HCN2: variants seen among roughly 807,000 people sequenced by gnomAD.
HCN2 encodes the protein potassium/sodium hyperpolarization-activated cyclic nucleotide-gated channel 2.
A neutral mutation model predicts 52.3 loss-of-function variants in HCN2; 20 were observed. That is an observed-to-expected ratio of 0.38 (90% CI 0.27 to 0.56). The LOEUF is 0.56. HCN2 is among the 20% of genes least tolerant of loss of function. The pLI, the probability that HCN2 is intolerant of heterozygous loss-of-function variation, is 0.71. For synonymous variants in HCN2, 694 were observed against 537.0 expected (o/e 1.29, Z -4.04); for missense variants, 981 against 1,207.7 (o/e 0.81, Z 2.78).
chr19:614,650 G>A (rs1347814978), intron 7 of HCN2, among the ~76,000 whole-genome samples: 1 of 152,160 alleles, frequency 6.6e-6, no homozygotes, highest in African/African-American at 2.4e-5. Context: ...GGGGAAGAAG[G>A]GGAGGCCAGA....
At chr19:610,164 G>A (rs752910866) in intron 4 of HCN2, 95 bp from the exon 5 acceptor site, 52 of 1,454,386 alleles carry the variant, frequency 3.6e-5, no homozygotes, top group Non-Finnish European at 4.1e-5. Flanking sequence ...GGCGGTGTCT[G>A]ACCCAGCCTC....
At chr19:604,909 A>C in intron 2 of HCN2, 152 bp from the exon 3 acceptor site, 6 of 657,980 alleles carry the variant, frequency 9.1e-6, no homozygotes, top group Non-Finnish European at 6.8e-6. Flanking sequence ...GTCCCGGGGC[A>C]GGGCTGCAGG....
chr19:607,423 C>G (rs1219984428), intron 3 of HCN2, among the ~76,000 whole-genome samples: 1 of 152,210 alleles, frequency 6.6e-6, no homozygotes. Context: ...GAGGGAAGAC[C>G]CGCCAGTGCC....
In HCN2 at chr19:590,078, C is replaced by A. The variant is rs1372995907; in HGVS notation, c.133C>A (p.Pro45Thr). The A allele has an allele frequency of 3.3e-6, 2 of 604,378 alleles. No homozygotes were observed. The highest frequency in any genetic ancestry group is 4.1e-6 in the Non-Finnish European group (2 of 489,170). 37.4% of individuals were successfully genotyped at this position (604,378 alleles called of 1,614,324 possible). Residue 45 changes from proline (P) to threonine (T), a missense_variant, in exon 1 of 8, where the codon CCG becomes ACG. This residue lies in a region of HCN2 where 215 missense variants were observed against 179.4 expected (regional missense o/e 1.20). Coordinates refer to ENST00000251287, the MANE Select transcript of HCN2 (RefSeq NM_001194.4). The surrounding 1 kb of genome is among the most constrained non-coding windows in gnomAD (Gnocchi z 7.2). ...GCCGCCGCCGCCGCCCGCGCCCCCC[C>A]CGGGCCCCGGGCCCGCGCCCCCCCA... ...PPPPPPPAPPPGPGPAPPQHP... is the reference protein window; with the variant it reads ...PPPPPPPAPPTGPGPAPPQHP...
In HCN2 at chr19:614,403, C is replaced by T. The variant is rs572283405; in HGVS notation, c.1990+387C>T. Among the ~76,000 whole-genome samples, 290 of 152,266 alleles carry T rather than the reference C, an allele frequency of 1.9e-3. 3 individuals are homozygous for T. Among genetic ancestry groups the T allele is most frequent in the African/African-American group, 6.6e-3 (274 of 41,538 alleles). On this transcript the variant is annotated intron_variant, in intron 7 of 7. Transcript: ENST00000251287. The stretch of plus-strand genomic sequence containing the variant: ...ACAGACCCGGGGGCCCACTCAGACT[C>T]CCAGGGAGGCTTATGGACTGGTGAT...
intron 3 of HCN2, 48 bp from the exon 4 acceptor site, chr19:607,916 T>C: frequency 6.8e-7 from 1 of 1,480,076 alleles, no homozygotes; most frequent in Non-Finnish European, 9.3e-7. Flanking sequence ...CGAGGGCTCC[T>C]GGGGCGTGAG....
intron 1 of HCN2, among the ~76,000 whole-genome samples, chr19:599,071 G>T (rs376418699): frequency 1.3e-5 from 2 of 152,380 alleles, no homozygotes; most frequent in African/African-American, 4.8e-5. Context: ...CCAGCAGGCG[G>T]GTGCCAGCCC....
chr19:591,365 T>A lies in HCN2; in HGVS notation c.632+788T>A, dbSNP rs1227675749. The A allele has an allele frequency of 1.3e-5, 2 of 152,438 alleles. No homozygotes were observed. The highest frequency in any genetic ancestry group is 2.9e-5 in the Non-Finnish European group (2 of 68,234). 9.4% of individuals were successfully genotyped at this position (152,438 alleles called of 1,614,324 possible). ...GAGCCTGTGGCCGGAGAGGTGTGTC[T>A]CCAGGAGTGTGTTTGCGTGGTGGTC... is the stretch of plus-strand genomic sequence containing the variant. On this transcript the variant is annotated intron_variant, in intron 1 of 7. Transcript: ENST00000251287. The surrounding 1 kb of genome is among the most constrained non-coding windows in gnomAD (Gnocchi z 4.1).
rs1555732154 is a variant in HCN2 at position 613,720 on chromosome 19, G to GCCGGCACCGGCACCGGCA, written c.1826-124_1826-123insGGCACCGGCACCGGCACC. 73 of 459,696 alleles carry GCCGGCACCGGCACCGGCA rather than the reference G, an allele frequency of 1.6e-4. 6 individuals are homozygous for GCCGGCACCGGCACCGGCA. In the African/African-American group the frequency reaches 1.8e-3, roughly 11 times the overall value. The allele number at this position is 459,696 out of a possible 1,614,324, so 28.5% of individuals were successfully genotyped here. On this transcript the variant is annotated intron_variant, in intron 6 of 7. Coordinates refer to ENST00000251287, the MANE Select transcript of HCN2 (RefSeq NM_001194.4). ...GGATGGGGCCGGGGATGGGGCCGGG[G>GCCGGCACCGGCACCGGCA]CCGGCACCAGGGAGAGCCTGGGTGG... is the stretch of plus-strand genomic sequence containing the variant.
At chr19:596,907 G>A (rs1351441094) in intron 1 of HCN2, among the ~76,000 whole-genome samples, 2 of 121,508 alleles carry the variant, frequency 1.6e-5, no homozygotes, top group South Asian at 2.5e-4. Flanking sequence ...GGGTTGGGGT[G>A]GAGAGGGTTG....
rs979383040 is a variant in HCN2 at position 616,572 on chromosome 19, C to T, written c.*98C>T. ...GCGCTGCCCCGGCCGCCAGTCCGCC[C>T]AGAAGCCATAGACGAGACGTAGGTA... On this transcript the variant is annotated 3_prime_UTR_variant, in exon 8 of 8. Transcript: ENST00000251287. 9 of 738,498 alleles carry T rather than the reference C, an allele frequency of 1.2e-5. No homozygotes were observed. The highest frequency in any genetic ancestry group is 1.6e-5 in the Non-Finnish European group (9 of 569,232). 45.7% of individuals were successfully genotyped at this position (738,498 alleles called of 1,614,324 possible).
At chr19:610,552 C>T (rs923444469) in intron 5 of HCN2, 147 bp downstream of exon 5, 3 of 667,126 alleles carry the variant, frequency 4.5e-6, no homozygotes, top group East Asian at 2.8e-5. Context: ...ACACACCCTC[C>T]CCTCCCCGCC....
chr19:612,427 T>TGTGTGTGTGTGTGTGTGTGTGTGTGAGA, intron 5 of HCN2, among the ~76,000 whole-genome samples: 20 of 142,356 alleles, frequency 1.4e-4, no homozygotes, highest in Non-Finnish European at 1.7e-4. Flanking sequence ...TGTGTGTGTG[T>TGTGTGTGTGTGTGTGTGTGTGTGTGAGA]GAGAGAGAGA....
chr19:616,104 C>T lies in HCN2; in HGVS notation c.2300C>T (p.Pro767Leu), dbSNP rs1288814795. Residue 767 changes from proline to leucine, a missense_variant, in exon 8 of 8, where the codon CCT becomes CTT. Physicochemically the swap from Pro to Leu is moderately conservative, Grantham distance 98. This residue lies in a region of HCN2 where 368 missense variants were observed against 314.8 expected (regional missense o/e 1.17). Transcript: ENST00000251287. Reference protein sequence around the residue: ...LVRRPPPGPAPAAASPGPPPP... With the variant: ...LVRRPPPGPALAAASPGPPPP... ...CGCCGCCCGCCCCCGGGGCCCGCAC[C>T]TGCCGCCGCCTCACCCGGGCCCCCG... 3.1e-6 allele frequency: 3 copies of T among 973,540 alleles called. No homozygotes were observed. In the African/African-American group the frequency reaches 5.3e-5, roughly 17 times the overall value. The allele number at this position is 973,540 out of a possible 1,614,324, so 60.3% of individuals were successfully genotyped here.
At chr19:594,959 G>GGGAGGC (rs1332351543) in intron 1 of HCN2, among the ~76,000 whole-genome samples, 1 of 152,108 alleles carries the variant, frequency 6.6e-6, no homozygotes, top group Non-Finnish European at 1.5e-5. Context: ...CCAGTACTTT[G>GGGAGGC]GGAGGCGGAG....
rs1983565558 is a variant in HCN2 at position 610,194 on chromosome 19, A to C, written c.1438-65A>C. ...AGCCTCGCCTCCCCACAGTACAAGC[A>C]GGTGCCCCTGTGCCCGCTGCAGGCC... On this transcript the variant is annotated intron_variant, in intron 4 of 7. Coordinates refer to ENST00000251287, the MANE Select transcript of HCN2 (RefSeq NM_001194.4). 6 of 1,553,468 alleles carry C rather than the reference A, an allele frequency of 3.9e-6. No individual in the cohort carries two copies. In the South Asian group the frequency reaches 5.7e-5, roughly 15 times the overall value.
At chr19:594,571 C>T (rs1982967408) in intron 1 of HCN2, among the ~76,000 whole-genome samples, 1 of 152,176 alleles carries the variant, frequency 6.6e-6, no homozygotes, top group Non-Finnish European at 1.5e-5. Context: ...GGACAGGCGG[C>T]CCCTGGGCCC....
intron 5 of HCN2, 104 bp from the exon 6 acceptor site, chr19:613,144 G>C (rs769070801): frequency 7.0e-6 from 10 of 1,429,528 alleles, no homozygotes; most frequent in Non-Finnish European, 8.4e-6. Flanking sequence ...CCGTCTCTCA[G>C]ACGAGGAAAC....
In HCN2 at chr19:590,619, G is replaced by C; in HGVS notation, c.632+42G>C. Reference sequence around the variant, plus strand: ...GGCCGGTCGGCGCGAGGGGGCCCGGGGAGCCGGGCGCGCGGGGAGCCGTCC... The same window carrying C: ...GGCCGGTCGGCGCGAGGGGGCCCGGCGAGCCGGGCGCGCGGGGAGCCGTCC... On this transcript the variant is annotated intron_variant, in intron 1 of 7. Transcript: ENST00000251287. The surrounding 1 kb of genome is among the most constrained non-coding windows in gnomAD (Gnocchi z 7.2). The C allele has an allele frequency of 1.5e-6, 2 of 1,297,532 alleles. No individual in the cohort carries two copies. Among genetic ancestry groups the C allele is most frequent in the Non-Finnish European group, 2.0e-6 (2 of 1,010,644 alleles). 80.4% of individuals were successfully genotyped at this position (1,297,532 alleles called of 1,614,324 possible).
Sources: gnomAD v4.1 joint callset for allele counts (sites outside exome capture counted in the v4.1 genomes callset) on GRCh38, gnomAD v4.1.1 for gene constraint, gnomAD v4.1.1 regional missense constraint, Gnocchi (gnomAD v3.1) non-coding constraint, MANE v1.5 for transcripts, NCBI Gene and HGNC (gene_info 2026-07-23, HGNC 2026-07-21) for gene names.